Variants in SHISA9 observed in about 807,000 individuals in gnomAD.
SHISA9 encodes the protein protein shisa-9.
In SHISA9, 13 loss-of-function variants were observed where a neutral mutation model predicts 38.0. The ratio of observed to expected loss-of-function variants is 0.34; its 90% CI spans 0.22 to 0.54. SHISA9 has a LOEUF of 0.54. Ranked by LOEUF, SHISA9 falls within the 20% of genes least tolerant of loss-of-function variation. SHISA9 has a pLI of 0.91. For synonymous variants in SHISA9, 275 were observed against 242.0 expected (o/e 1.14, Z -1.27); for missense variants, 538 against 575.8 (o/e 0.93, Z 0.67).
At position 13,236,335 on chromosome 16, in the gene SHISA9, G is replaced by A. The variant is rs2051384341; in HGVS notation, c.*926G>A. On this transcript the variant is annotated 3_prime_UTR_variant, in exon 5 of 5. Transcript: ENST00000558583. ...TTTTCAAAAATCTTGAAGACTTGTT[G>A]ACATTAACAACAACAAATCCACAGT... is the stretch of plus-strand genomic sequence containing the variant. 1 of 145,518 alleles carries A rather than the reference G, an allele frequency of 6.9e-6. No individual in the cohort carries two copies. Among genetic ancestry groups the A allele is most frequent in the African/African-American group, 2.5e-5 (1 of 39,542 alleles). The allele number at this position is 145,518 out of a possible 1,614,324, so 9.0% of individuals were successfully genotyped here.
chr16:13,382,570 G>A, the SHISA9 span, among the ~76,000 whole-genome samples: 4 of 148,930 alleles, frequency 2.7e-5, no homozygotes, highest in East Asian at 8.0e-4. Context: ...AAAAAAAACA[G>A]GCGTGGTGGC....
At chr16:13,196,490 A>T (rs998026580) in intron 2 of SHISA9, among the ~76,000 whole-genome samples, 8 of 152,156 alleles carry the variant, frequency 5.3e-5, no homozygotes, top group African/African-American at 1.9e-4. Context: ...AAACAGGGAA[A>T]GTCTGAGAAA....
the SHISA9 span, among the ~76,000 whole-genome samples, chr16:13,450,644 G>A: frequency 3.3e-5 from 5 of 152,208 alleles, no homozygotes; most frequent in Admixed American, 3.3e-4. Flanking sequence ...GTCCTATGAA[G>A]TGGAATTATT....
At chr16:13,254,414 A>G in the SHISA9 span, among the ~76,000 whole-genome samples, 1 of 152,294 alleles carries the variant, frequency 6.6e-6, no homozygotes, top group African/African-American at 2.4e-5. Context: ...TTCCAACCGG[A>G]GGGTTTGTTA....
At chr16:13,428,052 G>T in the SHISA9 span, among the ~76,000 whole-genome samples, 264 of 152,290 alleles carry the variant, frequency 1.7e-3, 1 homozygote, top group African/African-American at 5.1e-3. Flanking sequence ...GCCCTGCAAA[G>T]AATTTTCTAG....
chr16:13,065,186 C>T (rs1015341546), intron 2 of SHISA9, among the ~76,000 whole-genome samples: 2 of 152,196 alleles, frequency 1.3e-5, no homozygotes, highest in African/African-American at 2.4e-5. Context: ...ATCTTCTTCT[C>T]CCCTTGTTTT....
intron 1 of SHISA9, chr16:12,908,717 T>C: frequency 6.8e-7 from 1 of 1,463,228 alleles, no homozygotes; most frequent in Non-Finnish European, 9.0e-7. Flanking sequence ...TTCAAGAAGC[T>C]ACCGTAAGAT....
At chr16:13,454,450 A>C in the SHISA9 span, among the ~76,000 whole-genome samples, 2 of 152,210 alleles carry the variant, frequency 1.3e-5, no homozygotes, top group South Asian at 4.1e-4. Flanking sequence ...CGTAATAGAA[A>C]GTGCTTGATG....
chr16:13,239,301 G>A lies in SHISA9; in HGVS notation c.*3892G>A, dbSNP rs1486911260. 6.6e-6 allele frequency: 1 copy of A among 151,408 alleles called. No homozygotes were observed. Among genetic ancestry groups the A allele is most frequent in the Admixed American group, 6.6e-5 (1 of 15,156 alleles). 9.4% of individuals were successfully genotyped at this position (151,408 alleles called of 1,614,324 possible). On this transcript the variant is annotated 3_prime_UTR_variant, in exon 5 of 5. Coordinates refer to ENST00000558583, the MANE Select transcript of SHISA9 (RefSeq NM_001145204.3). Reference sequence around the variant, plus strand: ...GAATAGTGCCGCAATAAACATACGTGTGCATGTGTCTTTATAGCAGCATGA... The same window carrying A: ...GAATAGTGCCGCAATAAACATACGTATGCATGTGTCTTTATAGCAGCATGA...
chr16:13,364,304 T>A, the SHISA9 span, among the ~76,000 whole-genome samples: 1 of 152,112 alleles, frequency 6.6e-6, no homozygotes, highest in Admixed American at 6.5e-5. Flanking sequence ...ATTCACAGGC[T>A]CCAAGAAGGA....
chr16:13,378,023 A>T, the SHISA9 span, among the ~76,000 whole-genome samples: 1 of 138,080 alleles, frequency 7.2e-6, no homozygotes, highest in African/African-American at 2.5e-5. Flanking sequence ...ACAGAGCAAG[A>T]CTCCATCTAA....
chr16:13,101,221 C>T (rs1157353315), intron 2 of SHISA9, among the ~76,000 whole-genome samples: 1 of 152,186 alleles, frequency 6.6e-6, no homozygotes, highest in Non-Finnish European at 1.5e-5. Context: ...CAATACTGTA[C>T]TGTATACTTG....
At chr16:13,422,045 C>G in the SHISA9 span, among the ~76,000 whole-genome samples, 4 of 152,100 alleles carry the variant, frequency 2.6e-5, no homozygotes, top group East Asian at 7.7e-4. Flanking sequence ...ATGCATATAC[C>G]CAATCACTAC....
the SHISA9 span, among the ~76,000 whole-genome samples, chr16:13,268,273 G>A: frequency 6.6e-6 from 1 of 152,120 alleles, no homozygotes; most frequent in Non-Finnish European, 1.5e-5. Flanking sequence ...ACTTCAGGAG[G>A]CCAAGGCGAG....
the SHISA9 span, among the ~76,000 whole-genome samples, chr16:13,469,389 G>GAA: frequency 3.2e-4 from 33 of 101,584 alleles, no homozygotes; most frequent in South Asian, 6.6e-4. Flanking sequence ...AAGAAAGAAA[G>GAA]AAAGAAAGAA....
chr16:13,316,128 G>A, the SHISA9 span, among the ~76,000 whole-genome samples: 5 of 152,098 alleles, frequency 3.3e-5, no homozygotes, highest in Non-Finnish European at 7.4e-5. Context: ...GGCATGGAGC[G>A]ATGACTCAAC....
chr16:13,318,531 G>A, the SHISA9 span, among the ~76,000 whole-genome samples: 9 of 152,124 alleles, frequency 5.9e-5, no homozygotes, highest in African/African-American at 2.2e-4. Flanking sequence ...TCACCATATC[G>A]GCCAGGCTGG....
the SHISA9 span, among the ~76,000 whole-genome samples, chr16:13,536,328 T>G: frequency 1.3e-5 from 2 of 152,168 alleles, no homozygotes; most frequent in South Asian, 2.1e-4. Context: ...CTAAATAACT[T>G]TTCCTCTACA....
chr16:13,019,307 T>A (rs2072794220), intron 2 of SHISA9, among the ~76,000 whole-genome samples: 1 of 152,170 alleles, frequency 6.6e-6, no homozygotes, highest in Non-Finnish European at 1.5e-5. Flanking sequence ...GCCAGACATT[T>A]ATTTTCTTAC....
Sources: gnomAD v4.1 joint callset for allele counts (sites outside exome capture counted in the v4.1 genomes callset) on GRCh38, gnomAD v4.1.1 for gene constraint, MANE v1.5 for transcripts, NCBI Gene and HGNC (gene_info 2026-07-23, HGNC 2026-07-21) for gene names.